KALRN: variants seen among roughly 807,000 people sequenced by gnomAD.
KALRN encodes the protein kalirin RhoGEF kinase.
Under a neutral mutation model 353.7 loss-of-function variants are expected in KALRN, and 70 were observed. The ratio of observed to expected loss-of-function variants is 0.20; its 90% CI spans 0.16 to 0.24. KALRN has a LOEUF of 0.24. Among genes scored for constraint, KALRN ranks in the 10% least tolerant of loss-of-function variants. The pLI is 1.00. For missense variants in KALRN, 2,791 were observed against 3,756.7 expected, an observed-to-expected ratio of 0.74 and a Z score of 6.72; for synonymous variants, 1,391 against 1,434.8, an observed-to-expected ratio of 0.97 and a Z score of 0.69.
At chr3:124,321,726 G>A (rs1226026714) in intron 6 of KALRN, among the ~76,000 whole-genome samples, 5 of 152,164 alleles carry the variant, frequency 3.3e-5, no homozygotes, top group African/African-American at 7.2e-5. Flanking sequence ...TTGAGTTATC[G>A]AGATTTTGTT....
intron 32 of KALRN, among the ~76,000 whole-genome samples, 157 bp from the exon 33 acceptor site, chr3:124,496,154 A>G (rs1489972256): frequency 6.6e-6 from 1 of 151,272 alleles, no homozygotes; most frequent in East Asian, 2.0e-4. Flanking sequence ...TGAAAATCAC[A>G]TAGGGCCACT....
intron 5 of KALRN, among the ~76,000 whole-genome samples, chr3:124,270,824 G>GTTTTTGTTTTTTTT (rs1553885288): frequency 1.3e-5 from 1 of 78,652 alleles, no homozygotes; most frequent in African/African-American, 5.2e-5. Flanking sequence ...TTTTTGTTTT[G>GTTTTTGTTTTTTTT]TTTTTTTTTT....
chr3:124,164,866 A>C (rs2070566792), intron 1 of KALRN, among the ~76,000 whole-genome samples: 1 of 152,198 alleles, frequency 6.6e-6, no homozygotes, highest in African/African-American at 2.4e-5. Context: ...GGTTTTGTGG[A>C]GAGAGCTCTA....
chr3:124,700,837 C>G (rs1035546564), intron 56 of KALRN, among the ~76,000 whole-genome samples: 17 of 152,260 alleles, frequency 1.1e-4, no homozygotes, highest in African/African-American at 2.2e-4. Context: ...TCTAAATCAC[C>G]TCTGCCCCCA....
intron 1 of KALRN, among the ~76,000 whole-genome samples, chr3:124,070,323 G>A (rs1193400266): frequency 2.0e-5 from 3 of 152,136 alleles, no homozygotes; most frequent in Non-Finnish European, 2.9e-5. Flanking sequence ...TCCAGGAAGC[G>A]TCCACATACA....
chr3:124,623,399 T>C (rs146918575), intron 34 of KALRN, among the ~76,000 whole-genome samples: 6 of 136,442 alleles, frequency 4.4e-5, no homozygotes, highest in African/African-American at 1.1e-4. Context: ...TATTTATTTA[T>C]ACACACACAC....
chr3:124,101,592 A>G (rs1559953664), intron 1 of KALRN, among the ~76,000 whole-genome samples: 1 of 152,186 alleles, frequency 6.6e-6, no homozygotes. Context: ...GCTCAGGTGC[A>G]AGAAGTCAAG....
intron 1 of KALRN, among the ~76,000 whole-genome samples, chr3:124,102,174 A>G (rs934684792): frequency 7.9e-5 from 12 of 152,258 alleles, no homozygotes; most frequent in Non-Finnish European, 1.8e-4. Flanking sequence ...ATATATACCT[A>G]TTAGAGTTAT....
intron 34 of KALRN, among the ~76,000 whole-genome samples, chr3:124,621,625 C>T (rs946791745): frequency 5.3e-5 from 8 of 152,152 alleles, no homozygotes; most frequent in Non-Finnish European, 1.0e-4. Flanking sequence ...ATTTCTAGCT[C>T]CCCCCACTTC....
intron 7 of KALRN, among the ~76,000 whole-genome samples, chr3:124,329,646 G>T (rs143472434): frequency 1.3e-5 from 2 of 152,046 alleles, no homozygotes; most frequent in South Asian, 4.1e-4. Flanking sequence ...AGTCAATTTT[G>T]TGGAGACTAT....
intron 3 of KALRN, among the ~76,000 whole-genome samples, chr3:124,248,933 A>C (rs1461260146): frequency 6.6e-6 from 1 of 152,248 alleles, no homozygotes; most frequent in African/African-American, 2.4e-5. Context: ...ACACAGGAAG[A>C]GAATGTCCTG....
intron 49 of KALRN, among the ~76,000 whole-genome samples, chr3:124,677,127 T>A (rs1346179387): frequency 1.3e-5 from 2 of 152,188 alleles, no homozygotes; most frequent in African/African-American, 4.8e-5. Flanking sequence ...TCTGCCTCTC[T>A]CCCATAATGG....
intron 25 of KALRN, among the ~76,000 whole-genome samples, chr3:124,463,693 T>G (rs896260380): frequency 6.6e-6 from 1 of 152,200 alleles, no homozygotes; most frequent in Admixed American, 6.5e-5. Flanking sequence ...AATAGCCCTG[T>G]GCTAAGAATG....
chr3:124,626,091 A>G (rs1489129101), intron 34 of KALRN, among the ~76,000 whole-genome samples: 1 of 152,142 alleles, frequency 6.6e-6, no homozygotes, highest in Non-Finnish European at 1.5e-5. Flanking sequence ...AAAGAAAAAA[A>G]AAATTAACAT....
At chr3:124,582,590 G>A (rs192037372) in intron 34 of KALRN, among the ~76,000 whole-genome samples, 1 of 152,236 alleles carries the variant, frequency 6.6e-6, no homozygotes, top group Admixed American at 6.5e-5. Context: ...AGGTAAAACA[G>A]GACACTACTT....
chr3:124,384,795 C>T (rs1228949852), intron 10 of KALRN, 50 bp from the exon 11 acceptor site: 2 of 1,521,100 alleles, frequency 1.3e-6, no homozygotes, highest in East Asian at 4.6e-5. Context: ...GGGTGGGCTG[C>T]TGGAAGGCGC....
Position 124,667,045 on chromosome 3 carries a change from A to G in KALRN, c.6565A>G (p.Asn2189Asp). 2 of 1,613,534 alleles carry G rather than the reference A, an allele frequency of 1.2e-6. No homozygotes were observed. The highest frequency in any genetic ancestry group is 1.7e-6 in the Non-Finnish European group (2 of 1,179,496). The change falls in exon 47 of 60, where the codon AAT becomes GAT. Residue 2189 changes from asparagine to aspartate, a missense_variant. Asn to Asp is a conservative substitution (Grantham distance 23). This residue lies in a region of KALRN where 1,065 missense variants were observed against 1,156.4 expected (regional missense o/e 0.92). Transcript: ENST00000682506. ...NYLVLEENVD[N>D]DPCKFALMNR... ...CTTGGTCCTGGAGGAGAATGTGGAC[A>G]ATGATCCCTGCAAGTTTGCACTCAT...
rs138094609 is a variant in KALRN at position 124,530,736 on chromosome 3, G to A, written c.4936-32107G>A. Among the ~76,000 whole-genome samples, 458 of 152,086 alleles carry A rather than the reference G, an allele frequency of 3.0e-3. 1 individual carries two copies. Among genetic ancestry groups the A allele is most frequent in the Non-Finnish European group, 4.2e-3 (289 of 68,004 alleles). On this transcript the variant is annotated intron_variant, in intron 33 of 59. Transcript: ENST00000682506. ...CAACAATAATAAAATCCAGTAAGTC[G>A]GCTATAATTGCATTCAGTTTGTATT...
At chr3:124,359,335 T>A (rs1252486546) in intron 10 of KALRN, among the ~76,000 whole-genome samples, 1 of 152,244 alleles carries the variant, frequency 6.6e-6, no homozygotes. Context: ...CATTTCTATG[T>A]TCTAGCACAA....
Sources: allele counts gnomAD v4.1 joint callset (sites outside exome capture counted in the v4.1 genomes callset), GRCh38; gene constraint gnomAD v4.1.1; regional missense constraint gnomAD v4.1.1; transcripts MANE v1.5; gene names NCBI Gene and HGNC (gene_info 2026-07-23, HGNC 2026-07-21).